The following SLC25A13 variants were observed in gnomAD, a reference collection of about 807,000 sequenced individuals.
The protein encoded by SLC25A13 is solute carrier family 25 member 13, also known as electrogenic aspartate/glutamate antiporter SLC25A13, mitochondrial.
Under a neutral mutation model 85.5 loss-of-function variants are expected in SLC25A13, and 70 were observed. The ratio of observed to expected loss-of-function variants is 0.82; its 90% confidence interval spans 0.68 to 1.00. The LOEUF is 1.00. Among genes scored for constraint, SLC25A13 ranks in the 50% least tolerant of loss-of-function variants. The pLI, the probability that SLC25A13 is intolerant of heterozygous loss-of-function variation, is 0.00. For missense variants in SLC25A13, 765 were observed against 819.8 expected (o/e 0.93, Z 0.82); for synonymous variants, 259 against 288.7 (o/e 0.90, Z 1.04).
chr7:96,219,041 G>A (rs1796003540), intron 4 of SLC25A13, among the ~76,000 whole-genome samples: 1 of 152,110 alleles, frequency 6.6e-6, no homozygotes, highest in Admixed American at 6.5e-5. Context: ...ACTGCCATAT[G>A]CTCCAATATC....
chr7:96,269,149 A>G (rs1018997063), intron 3 of SLC25A13, among the ~76,000 whole-genome samples: 1 of 152,188 alleles, frequency 6.6e-6, no homozygotes, highest in African/African-American at 2.4e-5. Flanking sequence ...CTCAATATAC[A>G]CAACTGTGCC....
At chr7:96,141,171 T>C (rs1792545736) in intron 14 of SLC25A13, among the ~76,000 whole-genome samples, 1 of 152,032 alleles carries the variant, frequency 6.6e-6, no homozygotes, top group South Asian at 2.1e-4. Context: ...TACAGATGTG[T>C]ACCACCATGC....
rs765192701 is a variant in SLC25A13, at chr7:96,121,894, G to A, written c.1695C>T (p.Cys565=). Residue 565 remains cysteine (C), a synonymous_variant, in exon 16 of 18, where the codon TGC becomes TGT. Coordinates refer to ENST00000265631, the MANE Select transcript of SLC25A13 (RefSeq NM_014251.3). ...CTTCTTCACGCAGTATCTTTCTAAA[G>A]CAGTCTATCACTCCGCTGTAAGTGG... ...GQTTYSGVID[C]FRKILREEGP... 11 of 1,614,094 alleles carry A rather than the reference G, an allele frequency of 6.8e-6. No individual in the cohort carries two copies. The Admixed American group carries it at 1.7e-4, about 24-fold the overall frequency.
At chr7:96,227,143 T>A (rs1796354161) in intron 4 of SLC25A13, among the ~76,000 whole-genome samples, 1 of 152,244 alleles carries the variant, frequency 6.6e-6, no homozygotes, top group Admixed American at 6.5e-5. Flanking sequence ...TAGCACTGAT[T>A]CATCCTTGGC....
rs900097422 is a variant in SLC25A13 at position 96,192,972 on chromosome 7, G to T, written c.615+65C>A. 4 of 1,544,654 alleles carry T rather than the reference G, an allele frequency of 2.6e-6. No homozygotes were observed. In the African/African-American group the frequency reaches 5.5e-5, roughly 21 times the overall value. ...AAAAAAAACACTACATAACTTATAA[G>T]AATTGTTTTTATAATTCCTTATTTA... is the stretch of plus-strand genomic sequence containing the variant. On this transcript the variant is annotated intron_variant, in intron 6 of 17. Coordinates refer to ENST00000265631, the MANE Select transcript of SLC25A13 (RefSeq NM_014251.3).
At chr7:96,239,786 G>T (rs1796898603) in intron 3 of SLC25A13, among the ~76,000 whole-genome samples, 1 of 152,122 alleles carries the variant, frequency 6.6e-6, no homozygotes, top group Non-Finnish European at 1.5e-5. Flanking sequence ...TTTTCTGTAA[G>T]CAAGTCATTT....
chr7:96,175,920 G>A (rs951255116), intron 11 of SLC25A13, among the ~76,000 whole-genome samples: 2 of 152,260 alleles, frequency 1.3e-5, no homozygotes, highest in Non-Finnish European at 2.9e-5. Context: ...TGCCACTCAC[G>A]GAAGTTGTTG....
intron 4 of SLC25A13, among the ~76,000 whole-genome samples, chr7:96,232,255 T>TA (rs990021389): frequency 2.4e-4 from 36 of 151,542 alleles, no homozygotes; most frequent in Non-Finnish European, 3.4e-4. Context: ...ATGCAGTCAT[T>TA]AAAAAAAACA....
chr7:96,280,102 CAGGA>C (rs1279274878), intron 2 of SLC25A13, among the ~76,000 whole-genome samples: 1 of 152,094 alleles, frequency 6.6e-6, no homozygotes, highest in Non-Finnish European at 1.5e-5. Context: ...AGAGATGTTT[CAGGA>C]CCATCCTTTT....
intron 3 of SLC25A13, among the ~76,000 whole-genome samples, chr7:96,243,526 G>T (rs536529571): frequency 6.6e-6 from 1 of 152,248 alleles, no homozygotes; most frequent in Non-Finnish European, 1.5e-5. Flanking sequence ...GGTCTGTAGA[G>T]GGGCCTAAAC....
chr7:96,163,962 C>T (rs1185483695), intron 13 of SLC25A13, among the ~76,000 whole-genome samples: 1 of 152,092 alleles, frequency 6.6e-6, no homozygotes, highest in Non-Finnish European at 1.5e-5. Context: ...AAGACTAGTA[C>T]TTAAGTCATG....
intron 13 of SLC25A13, among the ~76,000 whole-genome samples, chr7:96,154,400 G>A (rs1218620636): frequency 1.3e-5 from 2 of 151,086 alleles, no homozygotes; most frequent in Non-Finnish European, 1.5e-5. Context: ...AGGTTCAAGC[G>A]ATTCTCAGGC....
chr7:96,191,576 T>C (rs1000660148), intron 6 of SLC25A13, among the ~76,000 whole-genome samples: 4 of 152,226 alleles, frequency 2.6e-5, no homozygotes, highest in African/African-American at 9.6e-5. Context: ...TTTCATCTAA[T>C]GAGCAAATCT....
At chr7:96,170,787 C>A (rs1449142173) in intron 12 of SLC25A13, among the ~76,000 whole-genome samples, 1 of 152,184 alleles carries the variant, frequency 6.6e-6, no homozygotes, top group Non-Finnish European at 1.5e-5. Context: ...AGCTACGCAG[C>A]CCAACCTAAA....
At chr7:96,282,500 T>C (rs1798728159) in intron 2 of SLC25A13, among the ~76,000 whole-genome samples, 1 of 152,142 alleles carries the variant, frequency 6.6e-6, no homozygotes, top group Non-Finnish European at 1.5e-5. Context: ...ATCCTTTACT[T>C]TGATTCCCTG....
intron 3 of SLC25A13, among the ~76,000 whole-genome samples, chr7:96,270,214 A>T (rs1354641521): frequency 6.6e-6 from 1 of 152,242 alleles, no homozygotes; most frequent in Non-Finnish European, 1.5e-5. Context: ...ATTTCAAAAC[A>T]TCATGTTGCA....
At chr7:96,209,839 G>A (rs969213990) in intron 4 of SLC25A13, among the ~76,000 whole-genome samples, 1 of 152,054 alleles carries the variant, frequency 6.6e-6, no homozygotes, top group South Asian at 2.1e-4. Flanking sequence ...GAGAATGGAG[G>A]AAATACAAAT....
Position 96,191,170 on chromosome 7 carries a change from T to A in SLC25A13, c.693A>T (p.Glu231Asp), listed in dbSNP as rs773995033. ...NGFNSLLNNM[E>D]LIRKIYSTLA... is the part of the protein sequence containing the mutation. ...GAGTGCTATAGATCTTTCTAATGAG[T>A]TCCATGTTGTTAAGGAGCGAATTAA... The change falls in exon 7 of 18, where the codon GAA becomes GAT. Residue 231 changes from glutamate to aspartate, a missense_variant. Coordinates refer to ENST00000265631, the MANE Select transcript of SLC25A13 (RefSeq NM_014251.3). The A allele has an allele frequency of 3.0e-5, 48 of 1,613,960 alleles. No individual in the cohort carries two copies. The highest frequency in any genetic ancestry group is 3.9e-5 in the Non-Finnish European group (46 of 1,180,000).
Position 96,322,055 on chromosome 7 carries a change from G to C in SLC25A13, c.-99C>G. On this transcript the variant is annotated 5_prime_UTR_variant, in exon 1 of 18. Coordinates refer to ENST00000265631, the MANE Select transcript of SLC25A13 (RefSeq NM_014251.3). ...TTCTAGTCCCGGCGGCGGCGGCGGTGGGGGCGGCGATACGGCCAGGCAGCG... is the reference window on the plus strand; with the variant it reads ...TTCTAGTCCCGGCGGCGGCGGCGGTCGGGGCGGCGATACGGCCAGGCAGCG... The C allele has an allele frequency of 1.4e-6, 2 of 1,475,576 alleles. No homozygotes were observed. The highest frequency in any genetic ancestry group is 1.5e-5 in the African/African-American group (1 of 68,528). 91.4% of individuals were successfully genotyped at this position (1,475,576 alleles called of 1,614,324 possible).
Sources: gnomAD v4.1 joint callset for allele counts (sites outside exome capture counted in the v4.1 genomes callset) on GRCh38, gnomAD v4.1.1 for gene constraint, MANE v1.5 for transcripts, NCBI Gene and HGNC (gene_info 2026-07-23, HGNC 2026-07-21) for gene names.